NOVA1: variants seen among roughly 807,000 people sequenced by gnomAD.
NOVA1 encodes RNA-binding protein Nova-1.
A neutral mutation model predicts 38.0 loss-of-function variants in NOVA1; 7 were observed. The ratio of observed to expected loss-of-function variants is 0.18; its 90% CI spans 0.10 to 0.35. NOVA1 has a LOEUF of 0.35. Ranked by LOEUF, NOVA1 falls within the 10% of genes least tolerant of loss-of-function variation. The pLI, the probability that NOVA1 is intolerant of heterozygous loss-of-function variation, is 1.00. For missense variants in NOVA1, 460 were observed against 616.0 expected (o/e 0.75, Z 2.68); for synonymous variants, 270 against 232.5 (o/e 1.16, Z -1.47).
Position 26,472,363 on chromosome 14 carries a change from T to C in NOVA1, c.476A>G (p.Lys159Arg), listed in dbSNP as rs1467143046. 6.4e-7 allele frequency: 1 copy of C among 1,562,002 alleles called. No individual in the cohort carries two copies. The highest frequency in any genetic ancestry group is 2.3e-5 in the East Asian group (1 of 43,466). The change falls in exon 4 of 5, where the codon AAG (lysine) becomes AGG (arginine). Residue 159 changes from lysine to arginine, a missense_variant. Physicochemically the swap from Lys to Arg is conservative, Grantham distance 26. Transcript: ENST00000539517. The part of the protein sequence containing the change: ...QTLPSSPTTT[K>R]SSPSDPMTTS... ...GGTCATGGGATCAGATGGAGAGGAC[T>C]TGGTGGTAGTTGGGGAAGATGGCAA...
intron 4 of NOVA1, among the ~76,000 whole-genome samples, chr14:26,450,522 A>T (rs926706135): frequency 6.6e-6 from 1 of 152,156 alleles, no homozygotes; most frequent in African/African-American, 2.4e-5. Flanking sequence ...GTTTTCAAGA[A>T]CTTAGAAAGT....
chr14:26,574,073 T>C (rs1211468273), intron 2 of NOVA1, among the ~76,000 whole-genome samples: 1 of 147,004 alleles, frequency 6.8e-6, no homozygotes. Context: ...TCACCCAGGC[T>C]GGAGTGCAGT....
intron 4 of NOVA1, among the ~76,000 whole-genome samples, chr14:26,452,911 T>C (rs570209981): frequency 6.6e-6 from 1 of 152,216 alleles, no homozygotes; most frequent in South Asian, 2.1e-4. Context: ...TTGTAGAAAA[T>C]GAGTGTGTAT....
At chr14:26,584,673 A>G (rs1893414937) in intron 2 of NOVA1, among the ~76,000 whole-genome samples, 1 of 151,438 alleles carries the variant, frequency 6.6e-6, no homozygotes, top group Non-Finnish European at 1.5e-5. Flanking sequence ...GAATTTTTGC[A>G]CATCTTTATG....
At chr14:26,529,973 G>A (rs1161955673) in intron 2 of NOVA1, among the ~76,000 whole-genome samples, 2 of 152,042 alleles carry the variant, frequency 1.3e-5, no homozygotes, top group African/African-American at 2.4e-5. Flanking sequence ...AGGCTGGAGA[G>A]CAGTGGCGCG....
intron 2 of NOVA1, among the ~76,000 whole-genome samples, chr14:26,581,670 G>A (rs1466664752): frequency 2.0e-4 from 31 of 151,790 alleles, no homozygotes; most frequent in Admixed American, 2.0e-3. Context: ...ATTTACATAT[G>A]AATTGGAAAA....
chr14:26,477,666 T>C (rs1283385623), intron 3 of NOVA1, among the ~76,000 whole-genome samples: 2 of 152,050 alleles, frequency 1.3e-5, no homozygotes, highest in African/African-American at 4.8e-5. Context: ...AACTATTTTA[T>C]ACTGAATAAC....
chr14:26,591,866 T>C (rs1434913390), intron 2 of NOVA1, among the ~76,000 whole-genome samples: 1 of 151,508 alleles, frequency 6.6e-6, no homozygotes, highest in Non-Finnish European at 1.5e-5. Flanking sequence ...AATTGAAATA[T>C]AATGAATGTA....
chr14:26,476,677 G>C (rs920199941), intron 3 of NOVA1, among the ~76,000 whole-genome samples: 4 of 150,416 alleles, frequency 2.7e-5, no homozygotes, highest in African/African-American at 7.3e-5. Flanking sequence ...CTGTCACTCT[G>C]ACCTGTATTT....
At chr14:26,512,456 T>C (rs1289944292) in intron 2 of NOVA1, among the ~76,000 whole-genome samples, 2 of 152,166 alleles carry the variant, frequency 1.3e-5, no homozygotes, top group African/African-American at 4.8e-5. Context: ...ACAGTTTTAT[T>C]AAAACACAAC....
At chr14:26,540,498 A>G (rs1890396859) in intron 2 of NOVA1, among the ~76,000 whole-genome samples, 2 of 152,324 alleles carry the variant, frequency 1.3e-5, no homozygotes, top group East Asian at 1.9e-4. Flanking sequence ...GCATGTAACC[A>G]TATTTTTAAA....
chr14:26,517,844 A>T (rs1294544717), intron 2 of NOVA1, among the ~76,000 whole-genome samples: 1 of 152,170 alleles, frequency 6.6e-6, no homozygotes, highest in Non-Finnish European at 1.5e-5. Flanking sequence ...AGGTTTACAA[A>T]CTATCAGTTT....
At chr14:26,549,331 GTT>G (rs5807372) in intron 2 of NOVA1, 2,189 of 120,094 alleles carry the variant, frequency 0.018, 14 homozygotes, top group Middle Eastern at 0.03. Context: ...TGAATTACAA[GTT>G]TTTTTTTTTT....
chr14:26,466,921 C>A (rs191060856), intron 4 of NOVA1, among the ~76,000 whole-genome samples: 1 of 152,302 alleles, frequency 6.6e-6, no homozygotes, highest in Admixed American at 6.5e-5. Context: ...GACTTCCCAG[C>A]CTTCAGAGCT....
At chr14:26,482,096 G>A (rs963683691) in intron 2 of NOVA1, among the ~76,000 whole-genome samples, 6 of 150,132 alleles carry the variant, frequency 4.0e-5, no homozygotes, top group Admixed American at 6.6e-5. Context: ...AGACCACACA[G>A]TAGCCCCTAT....
At chr14:26,532,002 T>C (rs1225515890) in intron 2 of NOVA1, among the ~76,000 whole-genome samples, 2 of 152,086 alleles carry the variant, frequency 1.3e-5, no homozygotes, top group Non-Finnish European at 2.9e-5. Context: ...TGAGATACAA[T>C]TACGCAAATT....
At chr14:26,533,583 T>C (rs1484036330) in intron 2 of NOVA1, among the ~76,000 whole-genome samples, 1 of 152,224 alleles carries the variant, frequency 6.6e-6, no homozygotes, top group Non-Finnish European at 1.5e-5. Context: ...ATGTCTCAAT[T>C]GTTCATGTAT....
chr14:26,456,440 T>C (rs1883183393), intron 4 of NOVA1, among the ~76,000 whole-genome samples: 1 of 151,844 alleles, frequency 6.6e-6, no homozygotes, highest in Admixed American at 6.6e-5. Context: ...TGAAATTATT[T>C]AGGGGGAAGT....
rs1881834177 is a variant in NOVA1, at chr14:26,443,382, A to G, written c.*4577T>C. On this transcript the variant is annotated 3_prime_UTR_variant, in exon 5 of 5. Coordinates refer to ENST00000539517, the MANE Select transcript of NOVA1 (RefSeq NM_002515.3). The stretch of plus-strand genomic sequence containing the variant: ...ATTGAATACTTTAGAATTAAACAAT[A>G]TTTTATTTACAAATCTGATTTGATG... The G allele has an allele frequency of 6.6e-6, 1 of 152,022 alleles. No individual in the cohort carries two copies. The highest frequency in any genetic ancestry group is 1.5e-5 in the Non-Finnish European group (1 of 67,912). 9.4% of individuals were successfully genotyped at this position (152,022 alleles called of 1,614,324 possible).
Sources: allele counts gnomAD v4.1 joint callset (sites outside exome capture counted in the v4.1 genomes callset), GRCh38; gene constraint gnomAD v4.1.1; transcripts MANE v1.5; gene names NCBI Gene and HGNC (gene_info 2026-07-23, HGNC 2026-07-21).